Variants in IL15 observed in about 807,000 individuals in gnomAD.
IL15 encodes interleukin-15.
A neutral mutation model predicts 19.6 loss-of-function variants in IL15; 11 were observed. The ratio of observed to expected loss-of-function variants is 0.56; its 90% CI spans 0.35 to 0.93. The LOEUF (loss-of-function observed/expected upper bound fraction) is 0.93, where lower values mean the gene tolerates loss of function less well. IL15 is among the 40% of genes least tolerant of loss of function. IL15 has a pLI of 0.01. For missense variants in IL15, 197 were observed against 186.5 expected, an observed-to-expected ratio of 1.06 and a Z score of -0.33; for synonymous variants, 58 against 59.6, an observed-to-expected ratio of 0.97 and a Z score of 0.12.
At chr4:141,665,478 C>G (rs1195896048) in intron 2 of IL15, among the ~76,000 whole-genome samples, 1 of 152,028 alleles carries the variant, frequency 6.6e-6, no homozygotes, top group Non-Finnish European at 1.5e-5. Flanking sequence ...ATTATTTTCA[C>G]CAGTAGATGT....
chr4:141,713,750 C>G (rs76479187), intron 2 of IL15, among the ~76,000 whole-genome samples: 1 of 152,142 alleles, frequency 6.6e-6, no homozygotes, highest in Non-Finnish European at 1.5e-5. Context: ...GTATGATTCA[C>G]GTAACACTAC....
chr4:141,714,117 A>C (rs888074499), intron 2 of IL15, among the ~76,000 whole-genome samples: 4 of 151,672 alleles, frequency 2.6e-5, no homozygotes, highest in Admixed American at 1.3e-4. Flanking sequence ...TCCTGTCCCC[A>C]TCCTCCTCCA....
At chr4:141,710,672 T>C (rs1463481535) in intron 2 of IL15, among the ~76,000 whole-genome samples, 2 of 152,106 alleles carry the variant, frequency 1.3e-5, no homozygotes, top group Non-Finnish European at 2.9e-5. Flanking sequence ...TTTTTTCTTC[T>C]CTCTTTCTGC....
At chr4:141,682,438 T>TA (rs1728563099) in intron 2 of IL15, among the ~76,000 whole-genome samples, 1 of 152,200 alleles carries the variant, frequency 6.6e-6, no homozygotes, top group Non-Finnish European at 1.5e-5. Flanking sequence ...CAAAATTATT[T>TA]AAAGAATAAA....
At chr4:141,704,053 A>T (rs1164847948) in intron 2 of IL15, among the ~76,000 whole-genome samples, 2 of 152,154 alleles carry the variant, frequency 1.3e-5, no homozygotes, top group African/African-American at 4.8e-5. Flanking sequence ...CCTTTTATTT[A>T]TCTGGCCTAA....
chr4:141,657,009 A>G (rs74616722), intron 2 of IL15, among the ~76,000 whole-genome samples: 3,143 of 152,242 alleles, frequency 0.021, 112 homozygotes, highest in African/African-American at 0.071. Flanking sequence ...TTGTTACACA[A>G]TTCTGTTGTG....
chr4:141,645,455 T>C (rs1204928163), intron 1 of IL15, among the ~76,000 whole-genome samples: 1 of 152,164 alleles, frequency 6.6e-6, no homozygotes, highest in Non-Finnish European at 1.5e-5. Flanking sequence ...TTTTGCTGCC[T>C]GGAAAGGCAA....
intron 2 of IL15, among the ~76,000 whole-genome samples, chr4:141,701,299 T>G (rs899930704): frequency 2.0e-5 from 3 of 151,888 alleles, no homozygotes; most frequent in Admixed American, 6.6e-5. Flanking sequence ...TTTTTTTTTA[T>G]TTTTTCCCTC....
chr4:141,645,178 G>A (rs1327712700), intron 1 of IL15, among the ~76,000 whole-genome samples: 5 of 152,056 alleles, frequency 3.3e-5, no homozygotes, highest in Non-Finnish European at 7.4e-5. Context: ...CATTCACTCC[G>A]TTAGATAAAA....
chr4:141,677,685 G>A, intron 2 of IL15, among the ~76,000 whole-genome samples: 1 of 152,272 alleles, frequency 6.6e-6, no homozygotes. Context: ...GCAATGGCAT[G>A]TTGAAACCTT....
intron 2 of IL15, among the ~76,000 whole-genome samples, chr4:141,700,919 C>T (rs1729273866): frequency 6.6e-6 from 1 of 152,156 alleles, no homozygotes; most frequent in Admixed American, 6.5e-5. Flanking sequence ...ATTGTTGAAA[C>T]TTTCCACTGC....
At chr4:141,648,286 A>G (rs1727295357) in intron 1 of IL15, among the ~76,000 whole-genome samples, 1 of 152,076 alleles carries the variant, frequency 6.6e-6, no homozygotes. Flanking sequence ...TGAGTTTTAG[A>G]GAACTGAAAA....
chr4:141,643,329 G>A (rs1261949916), intron 1 of IL15, among the ~76,000 whole-genome samples: 2 of 151,984 alleles, frequency 1.3e-5, no homozygotes, highest in Non-Finnish European at 2.9e-5. Context: ...TTCTATATCT[G>A]CTTTTTTCTG....
intron 2 of IL15, among the ~76,000 whole-genome samples, chr4:141,664,208 A>G (rs116531470): frequency 0.021 from 3,181 of 152,202 alleles, 61 homozygotes; most frequent in Non-Finnish European, 0.031. Flanking sequence ...TAAAACCTTT[A>G]TGTTTCTGTG....
At chr4:141,722,601 A>G (rs901249837) in intron 5 of IL15, among the ~76,000 whole-genome samples, 2 of 152,218 alleles carry the variant, frequency 1.3e-5, no homozygotes, top group Admixed American at 6.5e-5. Flanking sequence ...CTAACATAAT[A>G]GACATGAAGC....
At chr4:141,642,463 C>T (rs558112429) in intron 1 of IL15, among the ~76,000 whole-genome samples, 2 of 152,290 alleles carry the variant, frequency 1.3e-5, no homozygotes, top group Non-Finnish European at 1.5e-5. Flanking sequence ...CCACACCCTC[C>T]CTTTGGCTTC....
At chr4:141,720,992 T>A in intron 4 of IL15, 1 of 595,682 alleles carries the variant, frequency 1.7e-6, no homozygotes, top group Non-Finnish European at 2.9e-6. Flanking sequence ...TATTTAAGCC[T>A]TTTGTTGTTT....
At chr4:141,656,735 T>C (rs764052070) in intron 2 of IL15, among the ~76,000 whole-genome samples, 1 of 152,220 alleles carries the variant, frequency 6.6e-6, no homozygotes, top group Non-Finnish European at 1.5e-5. Flanking sequence ...AATGACAGAA[T>C]TGTGCATATC....
intron 2 of IL15, among the ~76,000 whole-genome samples, chr4:141,713,667 C>T (rs1158651814): frequency 1.3e-5 from 2 of 152,180 alleles, no homozygotes; most frequent in Non-Finnish European, 2.9e-5. Flanking sequence ...TATGGCCTTG[C>T]TTGGGTTCTG....
Sources: allele counts gnomAD v4.1 joint callset (sites outside exome capture counted in the v4.1 genomes callset), GRCh38; gene constraint gnomAD v4.1.1; transcripts MANE v1.5; gene names NCBI Gene and HGNC (gene_info 2026-07-23, HGNC 2026-07-21).